UPB1: variants seen among roughly 807,000 people sequenced by gnomAD.
UPB1 encodes the protein beta-ureidopropionase 1.
In UPB1, 40 loss-of-function variants were observed where a neutral mutation model predicts 49.1. The observed-to-expected ratio is 0.81, with a 90% CI of 0.63 to 1.06. The LOEUF is 1.06. Among genes scored for constraint, UPB1 ranks in the 50% least tolerant of loss-of-function variants. UPB1 has a pLI of 0.00. For synonymous variants in UPB1, 207 were observed against 198.2 expected (o/e 1.04, Z -0.38); for missense variants, 499 against 505.9 (o/e 0.99, Z 0.13).
At chr22:24,519,270 C>T (rs1415424542) in intron 6 of UPB1, among the ~76,000 whole-genome samples, 2 of 152,070 alleles carry the variant, frequency 1.3e-5, no homozygotes, top group African/African-American at 4.8e-5. Context: ...GACAAGCACC[C>T]ACCCCCTCCA....
intron 4 of UPB1, among the ~76,000 whole-genome samples, chr22:24,511,274 A>AT (rs1354826366): frequency 6.6e-6 from 1 of 152,152 alleles, no homozygotes; most frequent in Non-Finnish European, 1.5e-5. Context: ...ATTTTTCTTC[A>AT]TTAAAACCTT....
At chr22:24,500,023 A>G (rs1266657214) in intron 1 of UPB1, 84 bp from the exon 2 acceptor site, 1 of 1,601,180 alleles carries the variant, frequency 6.2e-7, no homozygotes, top group African/African-American at 1.3e-5. Context: ...TTGGCTGATA[A>G]ATAGCTACAA....
chr22:24,502,642 C>T lies in UPB1; in HGVS notation c.364+429C>T, dbSNP rs533528197. 1.7e-4 allele frequency: 114 copies of T among 665,686 alleles called. No homozygotes were observed. In the African/African-American group the frequency reaches 1.8e-3, roughly 10 times the overall value. 41.2% of individuals were successfully genotyped at this position (665,686 alleles called of 1,614,324 possible). A position where few individuals can be genotyped will look rare whatever the true frequency, so the allele number is the denominator to read the frequency against. ...TATTTTTATCAGAGTTTTACATGCTCATGGTTTAGAGTCAGATGGGTGTAC... is the reference window on the plus strand; with the variant it reads ...TATTTTTATCAGAGTTTTACATGCTTATGGTTTAGAGTCAGATGGGTGTAC... On this transcript the variant is annotated intron_variant, in intron 3 of 9. Coordinates refer to ENST00000326010, the MANE Select transcript of UPB1 (RefSeq NM_016327.3).
intron 1 of UPB1, 27 bp downstream of exon 1, chr22:24,495,534 GGGGTCTTGGGGCCACAGAGTGT>G: frequency 1.2e-6 from 2 of 1,610,532 alleles, no homozygotes; most frequent in Non-Finnish European, 1.7e-6. Context: ...CTAAGCTAAT[GGGGTCTTGGGGCCACAGAGTGT>G]GGGTCTGGGG....
intron 7 of UPB1, among the ~76,000 whole-genome samples, 186 bp downstream of exon 7, chr22:24,520,654 C>T (rs1303871073): frequency 6.6e-6 from 1 of 152,186 alleles, no homozygotes; most frequent in South Asian, 2.1e-4. Context: ...GGCTGAAGCC[C>T]TTTTGAAAAG....
Position 24,525,725 on chromosome 22 carries a change from T to C in UPB1, c.1086T>C (p.Tyr362=), listed in dbSNP as rs2232870. 3.0e-3 allele frequency: 4,896 copies of C among 1,613,416 alleles called. 10 individuals carry two copies. Among genetic ancestry groups the C allele is most frequent in the Non-Finnish European group, 3.6e-3 (4,223 of 1,179,394 alleles). Residue 362 remains tyrosine, a synonymous_variant, in exon 10 of 10, where the codon TAT becomes TAC. Transcript: ENST00000326010. ...TTTGCTTTCAGATGACGGGCAGGTA[T>C]GAGATGTACGCACGGGAGCTCGCCG... ...DVWNFKMTGR[Y]EMYARELAEA...
chr22:24,524,582 C>G (rs1181702414), intron 9 of UPB1, among the ~76,000 whole-genome samples: 3 of 152,144 alleles, frequency 2.0e-5, no homozygotes, highest in Non-Finnish European at 4.4e-5. Context: ...ACCTCCTGGG[C>G]TCAAGCCATC....
chr22:24,511,077 G>A (rs1601497421), intron 4 of UPB1, among the ~76,000 whole-genome samples: 1 of 152,116 alleles, frequency 6.6e-6, no homozygotes, highest in East Asian at 1.9e-4. Context: ...GGGAGCTGCA[G>A]CCCAGGGAGG....
intron 6 of UPB1, among the ~76,000 whole-genome samples, chr22:24,516,233 C>T (rs892968145): frequency 1.2e-4 from 18 of 152,226 alleles, no homozygotes; most frequent in Non-Finnish European, 2.5e-4. Context: ...ACAAGTGTTT[C>T]GGTGTTAGCC....
chr22:24,498,310 T>A (rs1183398550), intron 1 of UPB1, among the ~76,000 whole-genome samples: 2 of 152,200 alleles, frequency 1.3e-5, no homozygotes, highest in East Asian at 3.8e-4. Context: ...CCACTGCATC[T>A]CCTGTACCAG....
At chr22:24,505,047 TTG>T (rs1433009360) in intron 3 of UPB1, among the ~76,000 whole-genome samples, 1 of 151,818 alleles carries the variant, frequency 6.6e-6, no homozygotes, top group Non-Finnish European at 1.5e-5. Context: ...AGTCACCACT[TTG>T]TCTTTTTGCT....
chr22:24,515,607 A>C (rs1255468626), intron 6 of UPB1, among the ~76,000 whole-genome samples: 1 of 151,900 alleles, frequency 6.6e-6, no homozygotes, highest in Non-Finnish European at 1.5e-5. Flanking sequence ...TAAAACACCA[A>C]CCTCTGCTGT....
chr22:24,512,420 TG>T (rs1364510790), intron 4 of UPB1, among the ~76,000 whole-genome samples: 1 of 152,216 alleles, frequency 6.6e-6, no homozygotes. Flanking sequence ...CCCGCTGGGC[TG>T]CTCATCCTGT....
intron 4 of UPB1, among the ~76,000 whole-genome samples, chr22:24,512,136 G>GA (rs140329): frequency 0.038 from 5,612 of 147,414 alleles, 194 homozygotes; most frequent in South Asian, 0.12. Flanking sequence ...GGCTGTAGGG[G>GA]AAAAAAAAAA....
At chr22:24,496,418 C>CAT (rs1555883982) in intron 1 of UPB1, among the ~76,000 whole-genome samples, 6 of 149,728 alleles carry the variant, frequency 4.0e-5, no homozygotes, top group Admixed American at 2.0e-4. Flanking sequence ...CACACACACA[C>CAT]ACACACACGT....
At chr22:24,504,930 A>G (rs561128827) in intron 3 of UPB1, among the ~76,000 whole-genome samples, 42 of 143,214 alleles carry the variant, frequency 2.9e-4, no homozygotes, top group African/African-American at 1.1e-3. Context: ...TTTTTTGTAA[A>G]GATGAGATCT....
intron 3 of UPB1, among the ~76,000 whole-genome samples, chr22:24,505,905 G>T (rs2044081210): frequency 6.6e-6 from 1 of 151,844 alleles, no homozygotes; most frequent in East Asian, 1.9e-4. Context: ...TAGAGATGGG[G>T]TTTTGCCATG....
chr22:24,513,613 G>A, intron 5 of UPB1, 128 bp downstream of exon 5: 2 of 1,329,312 alleles, frequency 1.5e-6, no homozygotes, highest in Non-Finnish European at 2.1e-6. Context: ...CACTCCACGG[G>A]AGCACAGTGT....
In UPB1 at chr22:24,510,706, C is replaced by T. The variant is rs1008564859; in HGVS notation, c.365-43C>T. ...TGGGCTGAGGAGCCCCCCTCAGAGG[C>T]TGTGCATGTTGGATATAATTCTGCC... On this transcript the variant is annotated intron_variant, in intron 3 of 9. Coordinates refer to ENST00000326010, the MANE Select transcript of UPB1 (RefSeq NM_016327.3). 3.1e-6 allele frequency: 5 copies of T among 1,594,842 alleles called. No homozygotes were observed. The Admixed American group carries it at 5.0e-5, about 16-fold the overall frequency.
Sources: gnomAD v4.1 joint callset for allele counts (sites outside exome capture counted in the v4.1 genomes callset) on GRCh38, gnomAD v4.1.1 for gene constraint, MANE v1.5 for transcripts, NCBI Gene and HGNC (gene_info 2026-07-23, HGNC 2026-07-21) for gene names.